The following SLC5A1 variants were observed in gnomAD, a reference collection of about 807,000 sequenced individuals.
SLC5A1 encodes solute carrier family 5 member 1.
In SLC5A1, 42 loss-of-function variants were observed where a neutral mutation model predicts 73.5. That is an observed-to-expected ratio of 0.57 (90% CI 0.45 to 0.74). SLC5A1 has a LOEUF of 0.74. Among genes scored for constraint, SLC5A1 ranks in the 30% least tolerant of loss-of-function variants. The pLI, the probability that SLC5A1 is intolerant of heterozygous loss-of-function variation, is 0.00. For synonymous variants in SLC5A1, 300 were observed against 317.4 expected (o/e 0.95, Z 0.58); for missense variants, 634 against 855.4 (o/e 0.74, Z 3.23).
chr22:32,083,696 T>C (rs990068860), intron 7 of SLC5A1, among the ~76,000 whole-genome samples: 4 of 152,112 alleles, frequency 2.6e-5, no homozygotes, highest in African/African-American at 7.2e-5. Context: ...TTTACTTGTC[T>C]ATGAAATCTT....
intron 5 of SLC5A1, among the ~76,000 whole-genome samples, chr22:32,079,550 A>G (rs2093996313): frequency 6.6e-6 from 1 of 152,244 alleles, no homozygotes; most frequent in Non-Finnish European, 1.5e-5. Context: ...TGAGGGTATC[A>G]CAGTCTACGA....
At chr22:32,096,416 A>G (rs2094026409) in intron 11 of SLC5A1, among the ~76,000 whole-genome samples, 1 of 152,070 alleles carries the variant, frequency 6.6e-6, no homozygotes, top group East Asian at 1.9e-4. Flanking sequence ...ATACTGCCCC[A>G]CACTGTCCTC....
At chr22:32,086,139 T>TC in intron 9 of SLC5A1, 81 bp from the exon 10 acceptor site, 3 of 846,106 alleles carry the variant, frequency 3.5e-6, no homozygotes, top group Non-Finnish European at 6.0e-6. Context: ...AGACTCCGTC[T>TC]CAAAAAAAAA....
At chr22:32,090,373 G>C (rs2094015163) in intron 10 of SLC5A1, among the ~76,000 whole-genome samples, 1 of 152,032 alleles carries the variant, frequency 6.6e-6, no homozygotes, top group African/African-American at 2.4e-5. Flanking sequence ...GCCTATTCTG[G>C]ATATTTCATA....
intron 14 of SLC5A1, among the ~76,000 whole-genome samples, chr22:32,108,560 G>A (rs996481270): frequency 1.3e-5 from 2 of 152,102 alleles, no homozygotes; most frequent in South Asian, 4.2e-4. Flanking sequence ...AATAGAAAGA[G>A]ACCTACACTT....
intron 11 of SLC5A1, among the ~76,000 whole-genome samples, chr22:32,098,614 T>C (rs973382155): frequency 2.6e-5 from 4 of 152,226 alleles, no homozygotes; most frequent in African/African-American, 4.8e-5. Context: ...AGGCTACTAT[T>C]GAAAGTCAAG....
chr22:32,081,820 C>A, intron 5 of SLC5A1, 46 bp from the exon 6 acceptor site: 1 of 1,220,356 alleles, frequency 8.2e-7, no homozygotes, highest in Non-Finnish European at 1.2e-6. Context: ...GCCCTGTAGG[C>A]AGCTGACCAC....
intron 10 of SLC5A1, among the ~76,000 whole-genome samples, chr22:32,088,605 C>T (rs2094011995): frequency 6.6e-6 from 1 of 152,144 alleles, no homozygotes; most frequent in South Asian, 2.1e-4. Flanking sequence ...TCCCAAAGTG[C>T]TGGGATTACA....
intron 11 of SLC5A1, among the ~76,000 whole-genome samples, chr22:32,092,682 A>AT (rs922083542): frequency 2.6e-5 from 4 of 151,958 alleles, no homozygotes; most frequent in African/African-American, 9.7e-5. Flanking sequence ...TTTGTTTGAA[A>AT]TTTTTTGTAG....
chr22:32,085,926 G>C (rs930334049), intron 9 of SLC5A1, among the ~76,000 whole-genome samples: 1 of 152,220 alleles, frequency 6.6e-6, no homozygotes, highest in Non-Finnish European at 1.5e-5. Context: ...TGGATCACGA[G>C]GTCAGGAGAT....
At chr22:32,097,667 G>A (rs2094028531) in intron 11 of SLC5A1, among the ~76,000 whole-genome samples, 1 of 152,038 alleles carries the variant, frequency 6.6e-6, no homozygotes, top group Non-Finnish European at 1.5e-5. Flanking sequence ...GGAAGAAGGA[G>A]GAGAAGAAGA....
intron 2 of SLC5A1, among the ~76,000 whole-genome samples, chr22:32,058,046 T>C (rs2093954467): frequency 6.6e-6 from 1 of 152,210 alleles, no homozygotes; most frequent in South Asian, 2.1e-4. Context: ...AATGCACTCA[T>C]TGTTTTGTCT....
chr22:32,106,345 A>C (rs1415641822), intron 14 of SLC5A1, among the ~76,000 whole-genome samples: 2 of 152,196 alleles, frequency 1.3e-5, no homozygotes, highest in Non-Finnish European at 2.9e-5. Context: ...TGTGCCTATT[A>C]GCCATTTATA....
chr22:32,108,792 T>C (rs1318320908), intron 14 of SLC5A1, among the ~76,000 whole-genome samples: 2 of 152,170 alleles, frequency 1.3e-5, no homozygotes, highest in Non-Finnish European at 2.9e-5. Flanking sequence ...AACAAGACCA[T>C]AAAGCCAGGT....
At position 32,099,353 on chromosome 22, in the gene SLC5A1, T is replaced by C. The variant is rs1188817120; in HGVS notation, c.1449+2T>C. ...TTCTGGAAGAGAGTCAATGAGCCAG[T>C]AGGTATCATCTGGGCATGTCCAGAA... On this transcript the variant is annotated splice_donor_variant, in intron 12 of 14. Coordinates refer to ENST00000266088, the MANE Select transcript of SLC5A1 (RefSeq NM_000343.4). LOFTEE classifies it high-confidence loss of function. The C allele has an allele frequency of 1.2e-6, 2 of 1,611,310 alleles. No homozygotes were observed. Among genetic ancestry groups the C allele is most frequent in the Non-Finnish European group, 1.7e-6 (2 of 1,178,440 alleles).
In SLC5A1 at chr22:32,075,431, G is replaced by A. The variant is rs139521122; in HGVS notation, c.478-6435G>A. On this transcript the variant is annotated intron_variant, in intron 5 of 14. Coordinates refer to ENST00000266088, the MANE Select transcript of SLC5A1 (RefSeq NM_000343.4). The stretch of plus-strand genomic sequence containing the variant: ...TAGATCATGTGGTCTTATGTTCTGC[G>A]CTTTCATTTTACAGATGGAGAAACT... 3.4e-4 allele frequency among the ~76,000 whole-genome samples: 52 copies of A among 152,202 alleles called. 1 individual carries two copies. In the East Asian group the frequency reaches 6.6e-3, roughly 19 times the overall value.
At chr22:32,053,382 TTC>T (rs1241162856) in intron 2 of SLC5A1, among the ~76,000 whole-genome samples, 1 of 151,446 alleles carries the variant, frequency 6.6e-6, no homozygotes, top group East Asian at 1.9e-4. Context: ...CCTTTCTTCC[TTC>T]TCTTTCCCCT....
chr22:32,057,039 T>C (rs2093952900), intron 2 of SLC5A1, among the ~76,000 whole-genome samples: 1 of 152,192 alleles, frequency 6.6e-6, no homozygotes, highest in Admixed American at 6.5e-5. Flanking sequence ...TGGAAGAGAC[T>C]GAGGCTAAAA....
intron 5 of SLC5A1, 137 bp downstream of exon 5, chr22:32,068,737 G>C: frequency 2.9e-6 from 2 of 695,870 alleles, no homozygotes; most frequent in East Asian, 2.7e-5. Flanking sequence ...CCTTGGAGTA[G>C]AGTCCTATTT....
Sources: gnomAD v4.1 joint callset for allele counts (sites outside exome capture counted in the v4.1 genomes callset) on GRCh38, gnomAD v4.1.1 for gene constraint, MANE v1.5 for transcripts, NCBI Gene and HGNC (gene_info 2026-07-23, HGNC 2026-07-21) for gene names.